Variants in SLC25A48 observed in about 807,000 individuals in gnomAD.
SLC25A48 encodes the protein solute carrier family 25 member 48.
In SLC25A48, 29 loss-of-function variants were observed where a neutral mutation model predicts 32.2. The observed-to-expected ratio is 0.90, with a 90% CI of 0.67 to 1.23. The LOEUF is 1.23. Among genes scored for constraint, SLC25A48 ranks in the 50% most tolerant of loss-of-function variants. The pLI, the probability that SLC25A48 is intolerant of heterozygous loss-of-function variation, is 0.00. For missense variants in SLC25A48, 399 were observed against 422.7 expected (o/e 0.94, Z 0.49); for synonymous variants, 164 against 172.3 (o/e 0.95, Z 0.38).
At chr5:135,791,388 G>T (rs1040284104) in intron 3 of SLC25A48, among the ~76,000 whole-genome samples, 13 of 151,668 alleles carry the variant, frequency 8.6e-5, no homozygotes, top group African/African-American at 2.4e-4. Context: ...GTCACAGCGG[G>T]TGTAAACCCT....
At chr5:135,740,737 T>C (rs1391312180) in intron 3 of SLC25A48, among the ~76,000 whole-genome samples, 3 of 152,186 alleles carry the variant, frequency 2.0e-5, no homozygotes, top group African/African-American at 7.2e-5. Context: ...CAATAAATAC[T>C]TGGTGGACAG....
rs534350356 is a variant in SLC25A48, at chr5:135,838,348, C to T, written c.46+3455C>T. On this transcript the variant is annotated intron_variant, in intron 1 of 7. Transcript: ENST00000681962. The stretch of plus-strand genomic sequence containing the variant: ...TGGAATTGGAACTTATGTTTAAAAG[C>T]GAAGCAGATCATAAAAGCTTGGAAA... 1.6e-4 allele frequency among the ~76,000 whole-genome samples: 24 copies of T among 152,228 alleles called. No individual in the cohort carries two copies. In the East Asian group the frequency reaches 1.7e-3, roughly 11 times the overall value.
At chr5:135,711,381 G>A (rs1445474491) in intron 3 of SLC25A48, among the ~76,000 whole-genome samples, 8 of 152,138 alleles carry the variant, frequency 5.3e-5, no homozygotes, top group Non-Finnish European at 1.2e-4. Flanking sequence ...AGGCATACAA[G>A]CAGCATCGAG....
intron 3 of SLC25A48, among the ~76,000 whole-genome samples, chr5:135,763,178 C>T (rs1440266765): frequency 6.6e-6 from 1 of 151,950 alleles, no homozygotes; most frequent in Non-Finnish European, 1.5e-5. Flanking sequence ...GGGAGGAGGA[C>T]GGGAAATCCC....
At chr5:135,857,033 G>A (rs191678762) in intron 4 of SLC25A48, among the ~76,000 whole-genome samples, 10 of 152,362 alleles carry the variant, frequency 6.6e-5, no homozygotes, top group Admixed American at 5.9e-4. Context: ...TGGAAGGGGA[G>A]GAAATGGGGG....
chr5:135,777,965 T>C (rs1756610531), intron 3 of SLC25A48, among the ~76,000 whole-genome samples: 1 of 151,922 alleles, frequency 6.6e-6, no homozygotes, highest in African/African-American at 2.4e-5. Flanking sequence ...TGGATATTAC[T>C]GCCAATATCG....
In SLC25A48 at chr5:135,850,491, G is replaced by A; in HGVS notation, c.157G>A (p.Glu53Lys). 3 of 1,614,042 alleles carry A rather than the reference G, an allele frequency of 1.9e-6. No homozygotes were observed. Among genetic ancestry groups the A allele is most frequent in the African/African-American group, 1.3e-5 (1 of 75,062 alleles). The part of the protein sequence containing the change: ...LSCIRVVYRR[E>K]SMFGFFKGMS... ...CTGCATCCGCGTGGTGTACAGGAGG[G>A]AGAGTGTAAGTGCCCCTTGGGCGGG... Residue 53 changes from glutamate (E) to lysine (K), a missense_variant, in exon 3 of 8, where the codon GAG becomes AAG. Physicochemically the swap from Glu to Lys is moderately conservative, Grantham distance 56. Transcript: ENST00000681962.
At chr5:135,728,542 G>C (rs1755146504) in intron 3 of SLC25A48, among the ~76,000 whole-genome samples, 1 of 151,780 alleles carries the variant, frequency 6.6e-6, no homozygotes, top group Non-Finnish European at 1.5e-5. Context: ...CATACTTAAG[G>C]GTGTTTCTTT....
rs1265201775 is a variant in SLC25A48, at chr5:135,662,661, TC to T, written c.-521+27706del. Among the ~76,000 whole-genome samples the T allele has an allele frequency of 1.6e-4, 24 of 150,608 alleles. No homozygotes were observed. The South Asian group carries it at 3.2e-3, about 20-fold the overall frequency. On this transcript the variant is annotated intron_variant, in intron 3 of 10. Coordinates refer to the SLC25A48 transcript ENST00000646290. ...GAGCTTCCCCCAGCTTACCTCCTCC[TC>T]ATTCTCTTTGCCGTCTTGCAGCTTT...
At chr5:135,665,721 C>T (rs1753506441) in intron 3 of SLC25A48, among the ~76,000 whole-genome samples, 1 of 150,294 alleles carries the variant, frequency 6.7e-6, no homozygotes, top group Non-Finnish European at 1.5e-5. Context: ...TGATAAATGA[C>T]TTTTTGATAC....
chr5:135,756,224 T>C (rs1358757586), intron 3 of SLC25A48, among the ~76,000 whole-genome samples: 1 of 152,060 alleles, frequency 6.6e-6, no homozygotes, highest in Non-Finnish European at 1.5e-5. Context: ...ATGATATCTA[T>C]AAAATAAAGT....
chr5:135,742,559 G>T, intron 3 of SLC25A48: 1 of 1,381,734 alleles, frequency 7.2e-7, no homozygotes. Context: ...GTGTTTTATG[G>T]TTTTCATTTT....
intron 3 of SLC25A48, among the ~76,000 whole-genome samples, chr5:135,702,826 G>T (rs150828609): frequency 6.6e-6 from 1 of 152,242 alleles, no homozygotes; most frequent in Non-Finnish European, 1.5e-5. Flanking sequence ...TTAGCGTGGC[G>T]TGGAGCTGGG....
At chr5:135,780,160 CTTTTTTTTTTTT>C (rs34277772) in intron 3 of SLC25A48, among the ~76,000 whole-genome samples, 1,151 of 38,874 alleles carry the variant, frequency 0.03, 174 homozygotes, top group African/African-American at 0.066. Flanking sequence ...GTTTCTTCGT[CTTTTTTTTTTTT>C]TTTTTTTTTT....
chr5:135,848,066 G>A lies in SLC25A48; in HGVS notation c.91-2359G>A, dbSNP rs150737092. ...AATGCCTTCTCCTGCTATCACTGGG[G>A]GCCCTAGAGACTTGGGCTTTGCTGC... On this transcript the variant is annotated intron_variant, in intron 2 of 7. Coordinates refer to ENST00000681962, the MANE Select transcript of SLC25A48 (RefSeq NM_001349336.2). Among the ~76,000 whole-genome samples the A allele has an allele frequency of 1.4e-3, 215 of 152,274 alleles. 2 individuals carry two copies. The highest frequency in any genetic ancestry group is 4.6e-3 in the African/African-American group (192 of 41,540).
At chr5:135,822,325 T>G (rs1368291612) in intron 4 of SLC25A48, among the ~76,000 whole-genome samples, 6 of 152,178 alleles carry the variant, frequency 3.9e-5, no homozygotes, top group African/African-American at 1.4e-4. Flanking sequence ...CAGAACAAAT[T>G]AACACAAACT....
intron 4 of SLC25A48, chr5:135,825,949 C>A: frequency 6.6e-6 from 1 of 152,356 alleles, no homozygotes; most frequent in Non-Finnish European, 1.5e-5. Context: ...CAACAGAAAC[C>A]ACTGGAGAGC....
At chr5:135,636,052 G>C (rs919259531) in intron 3 of SLC25A48, among the ~76,000 whole-genome samples, 1 of 152,158 alleles carries the variant, frequency 6.6e-6, no homozygotes, top group Non-Finnish European at 1.5e-5. Context: ...TAAAGAAGAA[G>C]GGAGTTAAGA....
intron 3 of SLC25A48, among the ~76,000 whole-genome samples, chr5:135,756,736 A>G (rs905661107): frequency 3.3e-5 from 5 of 152,106 alleles, no homozygotes; most frequent in Admixed American, 6.6e-5. Context: ...TTAACACACC[A>G]TAATATTAAT....
Sources: gnomAD v4.1 joint callset for allele counts (sites outside exome capture counted in the v4.1 genomes callset) on GRCh38, gnomAD v4.1.1 for gene constraint, MANE v1.5 for transcripts, NCBI Gene and HGNC (gene_info 2026-07-23, HGNC 2026-07-21) for gene names.